The following CLYBL variants were observed in gnomAD, a reference collection of about 807,000 sequenced individuals.
The protein encoded by CLYBL is citramalyl-CoA lyase.
In CLYBL, 31 loss-of-function variants were observed where a neutral mutation model predicts 38.9. The observed-to-expected ratio is 0.80, with a 90% CI of 0.60 to 1.08. The LOEUF is 1.08. Ranked by LOEUF, CLYBL falls within the 50% of genes least tolerant of loss-of-function variation. CLYBL has a pLI of 0.00. For missense variants in CLYBL, 434 were observed against 411.6 expected (o/e 1.05, Z -0.47); for synonymous variants, 171 against 158.6 (o/e 1.08, Z -0.59).
At chr13:99,791,964 CAAAG>C (rs2049926912) in intron 2 of CLYBL, among the ~76,000 whole-genome samples, 1 of 151,892 alleles carries the variant, frequency 6.6e-6, no homozygotes, top group African/African-American at 2.4e-5. Context: ...CAATGGTAGA[CAAAG>C]AAAAGACTCT....
At chr13:99,879,117 C>T (rs9517904) in intron 7 of CLYBL, among the ~76,000 whole-genome samples, 21,501 of 152,176 alleles carry the variant, frequency 0.14, 1,921 homozygotes, top group Middle Eastern at 0.22. Flanking sequence ...CCTGCCAAAT[C>T]CATCTTCCAA....
chr13:99,775,797 T>G (rs12017446), intron 2 of CLYBL, among the ~76,000 whole-genome samples: 3,886 of 152,098 alleles, frequency 0.026, 170 homozygotes, highest in African/African-American at 0.088. Flanking sequence ...GCATAAGCCA[T>G]GATGCCCGGC....
intron 2 of CLYBL, among the ~76,000 whole-genome samples, chr13:99,825,558 G>A (rs1471209771): frequency 2.6e-5 from 4 of 152,120 alleles, no homozygotes; most frequent in Non-Finnish European, 5.9e-5. Context: ...GATTATGAAG[G>A]GAAGGATTTA....
rs758102776 is a variant in CLYBL at position 99,871,007 on chromosome 13, T to C, written c.872T>C (p.Ile291Thr). ...CAGTTTTCTCCTTCCCCTGAAAAAA[T>C]TAAGTGGGCTGAAGAACTGATTGCT... ...QEQFSPSPEK[I>T]KWAEELIAAF... Residue 291 changes from isoleucine to threonine, a missense_variant, in exon 7 of 9, where the codon ATT (isoleucine) becomes ACT (threonine). Ile to Thr is a moderately conservative substitution (Grantham distance 89, BLOSUM62 -1). Transcript: ENST00000339105. The C allele has an allele frequency of 2.5e-6, 4 of 1,613,794 alleles. No individual in the cohort carries two copies. The South Asian group carries it at 3.3e-5, about 13-fold the overall frequency.
rs1304828349 is a variant in CLYBL at position 99,858,908 on chromosome 13, G to T, written c.297G>T (p.Leu99=). Residue 99 remains leucine, a synonymous_variant, in exon 3 of 9, where the codon CTG becomes CTT. Coordinates refer to ENST00000339105, the MANE Select transcript of CLYBL (RefSeq NM_206808.5). ...TAAAAACTCTTGAAGACATTGATCT[G>T]GGCCCTACTGAAAAATGTGTGAGAG... The part of the protein sequence containing the change: ...RIVKTLEDID[L]GPTEKCVRVN... The T allele has an allele frequency of 6.2e-7, 1 of 1,613,860 alleles. No individual in the cohort carries two copies. The highest frequency in any genetic ancestry group is 8.5e-7 in the Non-Finnish European group (1 of 1,179,856).
intron 2 of CLYBL, among the ~76,000 whole-genome samples, chr13:99,833,009 T>TACATAC (rs373568068): frequency 3.5e-5 from 1 of 28,426 alleles, no homozygotes; most frequent in Non-Finnish European, 7.0e-5. Context: ...CATACATACA[T>TACATAC]ATATATATAT....
downstream of CLYBL, among the ~76,000 whole-genome samples, chr13:99,898,540 T>G (rs910344391): frequency 4.6e-5 from 7 of 152,182 alleles, no homozygotes; most frequent in Non-Finnish European, 7.3e-5. Flanking sequence ...GCGGTGGCTC[T>G]CGGGAGCTTC....
chr13:99,727,860 T>A (rs2048506676), intron 1 of CLYBL, among the ~76,000 whole-genome samples: 1 of 152,102 alleles, frequency 6.6e-6, no homozygotes, highest in African/African-American at 2.4e-5. Flanking sequence ...GGCGGATCAC[T>A]TGAGGCCAGG....
At chr13:99,873,034 T>A (rs1318395655) in intron 7 of CLYBL, among the ~76,000 whole-genome samples, 1 of 151,976 alleles carries the variant, frequency 6.6e-6, no homozygotes, top group African/African-American at 2.4e-5. Context: ...CACAGAACCA[T>A]AGAAATTAGA....
intron 1 of CLYBL, among the ~76,000 whole-genome samples, chr13:99,620,676 C>G (rs1290505030): frequency 6.6e-6 from 1 of 152,058 alleles, no homozygotes; most frequent in Non-Finnish European, 1.5e-5. Flanking sequence ...ACTCAGGAGG[C>G]TGAGGCAGGA....
intron 1 of CLYBL, among the ~76,000 whole-genome samples, chr13:99,724,101 C>G (rs1456701349): frequency 6.6e-6 from 1 of 152,046 alleles, no homozygotes; most frequent in Non-Finnish European, 1.5e-5. Flanking sequence ...CATCTCTTTC[C>G]CATTCATGCA....
intron 7 of CLYBL, among the ~76,000 whole-genome samples, chr13:99,873,009 G>A (rs2051947954): frequency 6.6e-6 from 1 of 151,988 alleles, no homozygotes; most frequent in Non-Finnish European, 1.5e-5. Context: ...AGTGTGGCAG[G>A]ATGGCTTTTC....
At chr13:99,704,510 T>C (rs1241699758) in intron 1 of CLYBL, among the ~76,000 whole-genome samples, 2 of 152,222 alleles carry the variant, frequency 1.3e-5, no homozygotes, top group Non-Finnish European at 2.9e-5. Context: ...ATATAATGAT[T>C]ATATCAATTT....
At chr13:99,710,203 T>C (rs563030554) in intron 1 of CLYBL, among the ~76,000 whole-genome samples, 15 of 152,230 alleles carry the variant, frequency 9.9e-5, no homozygotes, top group South Asian at 6.2e-4. Flanking sequence ...TGAGCCACCG[T>C]GCCCGGCCCA....
At chr13:99,687,955 C>T (rs575810758) in intron 1 of CLYBL, among the ~76,000 whole-genome samples, 51 of 152,252 alleles carry the variant, frequency 3.3e-4, no homozygotes, top group Non-Finnish European at 7.4e-4. Flanking sequence ...TGGAATTGCC[C>T]CCTGATGGGG....
chr13:99,792,741 C>G (rs752561155), intron 2 of CLYBL, among the ~76,000 whole-genome samples: 3 of 152,002 alleles, frequency 2.0e-5, no homozygotes, highest in Non-Finnish European at 4.4e-5. Context: ...TGAGCCCCTT[C>G]CTAAGTGCCT....
At chr13:99,715,157 G>C (rs975203447) in intron 1 of CLYBL, among the ~76,000 whole-genome samples, 3 of 152,122 alleles carry the variant, frequency 2.0e-5, no homozygotes, top group African/African-American at 7.2e-5. Context: ...AGCTTCGGGG[G>C]ATTAGACCTG....
intron 6 of CLYBL, among the ~76,000 whole-genome samples, chr13:99,868,768 A>G (rs1262296626): frequency 6.6e-6 from 1 of 152,226 alleles, no homozygotes; most frequent in East Asian, 1.9e-4. Context: ...CTTGGAATAA[A>G]GCTTTAACAG....
intron 9 of CLYBL, among the ~76,000 whole-genome samples, chr13:99,907,827 T>C (rs1411750002): frequency 6.6e-6 from 1 of 152,130 alleles, no homozygotes; most frequent in Non-Finnish European, 1.5e-5. Flanking sequence ...AGACTCCATC[T>C]CAAAAACAAT....
Sources: gnomAD v4.1 joint callset for allele counts (sites outside exome capture counted in the v4.1 genomes callset) on GRCh38, gnomAD v4.1.1 for gene constraint, MANE v1.5 for transcripts, NCBI Gene and HGNC (gene_info 2026-07-23, HGNC 2026-07-21) for gene names.